PXN: variants seen among roughly 807,000 people sequenced by gnomAD.
PXN encodes paxillin.
In PXN, 61 loss-of-function variants were observed where a neutral mutation model predicts 103.6. The ratio of observed to expected loss-of-function variants is 0.59; its 90% CI spans 0.48 to 0.73. PXN has a LOEUF of 0.73. PXN is among the 30% of genes least tolerant of loss of function. PXN has a pLI of 0.00. For missense variants in PXN, 1,274 were observed against 1,460.3 expected, an observed-to-expected ratio of 0.87 and a Z score of 2.08; for synonymous variants, 562 against 607.8, an observed-to-expected ratio of 0.92 and a Z score of 1.11.
At chr12:120,239,325 T>C (rs1444350160) in intron 1 of PXN, among the ~76,000 whole-genome samples, 4 of 152,172 alleles carry the variant, frequency 2.6e-5, no homozygotes, top group African/African-American at 9.7e-5. Flanking sequence ...GGCTCACGCC[T>C]ATAATCCCAG....
At position 120,210,610 on chromosome 12, in the gene PXN, T is replaced by C. The variant is rs1295748709; in HGVS notation, c.*1704A>G. 2 of 152,270 alleles carry C rather than the reference T, an allele frequency of 1.3e-5. No individual in the cohort carries two copies. The highest frequency in any genetic ancestry group is 2.9e-5 in the Non-Finnish European group (2 of 68,036). 9.4% of individuals were successfully genotyped at this position (152,270 alleles called of 1,614,324 possible). A position where few individuals can be genotyped will look rare whatever the true frequency, so the allele number is the denominator to read the frequency against. ...ACCCCAGTCCCTCTTGGGGAAGATC[T>C]AGGGTGGGTCACTATAAACAGAGCG... On this transcript the variant is annotated 3_prime_UTR_variant, in exon 15 of 15. Transcript: ENST00000637617.
intron 1 of PXN, among the ~76,000 whole-genome samples, chr12:120,242,997 A>G (rs1488918238): frequency 6.6e-6 from 1 of 152,142 alleles, no homozygotes; most frequent in African/African-American, 2.4e-5. Context: ...GAAGATGCAA[A>G]GCCTAATGAC....
At chr12:120,239,024 G>A (rs1889662520) in intron 1 of PXN, among the ~76,000 whole-genome samples, 1 of 152,168 alleles carries the variant, frequency 6.6e-6, no homozygotes, top group South Asian at 2.1e-4. Flanking sequence ...TGTCGGGTGG[G>A]GCTGCTCCTT....
At position 120,216,754 on chromosome 12, in the gene PXN, C is replaced by T; in HGVS notation, c.1992+87G>A. ...CCCCCACCCTCTCCCCAGATCTCCCCTCCGGCCAGCACTGGGGCCAGGGAA... is the reference window on the plus strand; with the variant it reads ...CCCCCACCCTCTCCCCAGATCTCCCTTCCGGCCAGCACTGGGGCCAGGGAA... On this transcript the variant is annotated intron_variant, in intron 8 of 14. Transcript: ENST00000637617. The surrounding 1 kb of genome is among the most constrained non-coding windows in gnomAD (Gnocchi z 5.1). 1.3e-6 allele frequency: 2 copies of T among 1,594,572 alleles called. No individual in the cohort carries two copies.
chr12:120,260,747 C>T (rs550571582), intron 1 of PXN, among the ~76,000 whole-genome samples: 2 of 152,296 alleles, frequency 1.3e-5, no homozygotes, highest in East Asian at 3.9e-4. Flanking sequence ...AGGCACATTG[C>T]TTGAGGCCAG....
chr12:120,247,138 A>G (rs1186443226), intron 1 of PXN, among the ~76,000 whole-genome samples: 1 of 152,226 alleles, frequency 6.6e-6, no homozygotes, highest in Non-Finnish European at 1.5e-5. Context: ...CACATTGATA[A>G]TTACTTTAAA....
Position 120,215,725 on chromosome 12 carries a change from C to G in PXN, c.2302-64G>C. On this transcript the variant is annotated intron_variant, in intron 9 of 14. Transcript: ENST00000637617. The surrounding 1 kb of genome is among the most constrained non-coding windows in gnomAD (Gnocchi z 4.9). The stretch of plus-strand genomic sequence containing the variant: ...TAAAAATTAAGAAAGAATACAAGAC[C>G]TTGTCACTGGACTAAAAGGGAATCT... 1 of 1,491,052 alleles carries G rather than the reference C, an allele frequency of 6.7e-7. No homozygotes were observed. 92.4% of individuals were successfully genotyped at this position (1,491,052 alleles called of 1,614,324 possible).
chr12:120,230,451 G>T (rs1887773324), intron 1 of PXN, among the ~76,000 whole-genome samples: 1 of 152,194 alleles, frequency 6.6e-6, no homozygotes, highest in South Asian at 2.1e-4. Flanking sequence ...CAGAGAAGCT[G>T]CGGCCTCCTT....
intron 1 of PXN, among the ~76,000 whole-genome samples, chr12:120,252,689 T>C (rs1892379476): frequency 6.6e-6 from 1 of 152,094 alleles, no homozygotes; most frequent in East Asian, 1.9e-4. Flanking sequence ...GTGAGGCAAG[T>C]GAGACCCAAT....
intron 1 of PXN, among the ~76,000 whole-genome samples, chr12:120,249,401 T>C (rs1891777838): frequency 1.3e-5 from 2 of 151,784 alleles, no homozygotes; most frequent in South Asian, 4.2e-4. Flanking sequence ...CAACAGGCCA[T>C]TAGGAGGGAA....
chr12:120,226,258 A>G (rs1432730655), intron 1 of PXN: 2 of 1,287,402 alleles, frequency 1.6e-6, no homozygotes, highest in Non-Finnish European at 2.0e-6. Context: ...GAAACCCCAT[A>G]GGACTCCCCA....
rs1471107119 is a variant in PXN, at chr12:120,222,668, G to GCCT, written c.573_575dup (p.Gly192dup). 1.2e-6 allele frequency: 2 copies of GCCT among 1,608,552 alleles called. No homozygotes were observed. The highest frequency in any genetic ancestry group is 2.2e-5 in the South Asian group (2 of 89,834). ...TCTCTTTCGTCAGGGGCCCAGCTTT[G>GCCT]CCTCCCAAGGGGCTGTTAGTCTCTG... On this transcript the variant is annotated inframe_insertion, in exon 5 of 15. Coordinates refer to ENST00000637617, the MANE Select transcript of PXN (RefSeq NM_001385981.1). The surrounding 1 kb of genome is among the most constrained non-coding windows in gnomAD (Gnocchi z 4.7).
At chr12:120,242,328 G>A (rs1163903917) in intron 1 of PXN, among the ~76,000 whole-genome samples, 1 of 152,064 alleles carries the variant, frequency 6.6e-6, no homozygotes, top group Non-Finnish European at 1.5e-5. Context: ...TCCTCTGCCC[G>A]CACCCATCTG....
intron 1 of PXN, among the ~76,000 whole-genome samples, chr12:120,244,438 A>G (rs1890691416): frequency 6.6e-6 from 1 of 151,808 alleles, no homozygotes; most frequent in Admixed American, 6.6e-5. Flanking sequence ...CGAGGTCAGG[A>G]GATCGAGACC....
Position 120,217,235 on chromosome 12 carries a change from G to A in PXN, c.1717-119C>T. On this transcript the variant is annotated intron_variant, in intron 7 of 14. Transcript: ENST00000637617. The surrounding 1 kb of genome is among the most constrained non-coding windows in gnomAD (Gnocchi z 4.1). ...CAAAAGAAAACCACCAAAGAACCAA[G>A]CGGAGGTGGGTGGAGGCACGGGGAG... 4.5e-6 allele frequency: 4 copies of A among 881,918 alleles called. No homozygotes were observed. The highest frequency in any genetic ancestry group is 4.5e-5 in the South Asian group (3 of 67,352). 54.6% of individuals were successfully genotyped at this position (881,918 alleles called of 1,614,324 possible).
intron 1 of PXN, among the ~76,000 whole-genome samples, chr12:120,260,248 G>A (rs181938168): frequency 2.0e-5 from 3 of 152,296 alleles, no homozygotes; most frequent in Admixed American, 6.5e-5. Context: ...AGTGGCTCAC[G>A]CCTGTAATGC....
intron 1 of PXN, among the ~76,000 whole-genome samples, chr12:120,250,347 G>A (rs1435666903): frequency 1.3e-5 from 2 of 152,114 alleles, no homozygotes; most frequent in Non-Finnish European, 2.9e-5. Context: ...ACAGTCACTG[G>A]GCCAGCTTCA....
At chr12:120,230,515 A>C (rs1226842712) in intron 1 of PXN, among the ~76,000 whole-genome samples, 5 of 152,074 alleles carry the variant, frequency 3.3e-5, no homozygotes, top group Non-Finnish European at 7.4e-5. Context: ...GCCCTTCCTA[A>C]GGAAGGAGCT....
At chr12:120,257,206 G>T (rs893256568) in intron 1 of PXN, among the ~76,000 whole-genome samples, 9 of 152,144 alleles carry the variant, frequency 5.9e-5, no homozygotes, top group Admixed American at 5.2e-4. Context: ...TGTGTGCCCT[G>T]CTCTCCCCAA....
Sources: gnomAD v4.1 joint callset for allele counts (sites outside exome capture counted in the v4.1 genomes callset) on GRCh38, gnomAD v4.1.1 for gene constraint, Gnocchi (gnomAD v3.1) non-coding constraint, MANE v1.5 for transcripts, NCBI Gene and HGNC (gene_info 2026-07-23, HGNC 2026-07-21) for gene names.